The following RAD51B variants were observed in gnomAD, a reference collection of about 807,000 sequenced individuals.
The protein encoded by RAD51B is RAD51 paralog B.
In RAD51B, 38 loss-of-function variants were observed where a neutral mutation model predicts 42.2. The ratio of observed to expected loss-of-function variants is 0.90; its 90% CI spans 0.70 to 1.18. RAD51B has a LOEUF of 1.18. RAD51B is among the 50% of genes most tolerant of loss of function. The pLI, the probability that RAD51B is intolerant of heterozygous loss-of-function variation, is 0.00. For missense variants in RAD51B, 373 were observed against 400.7 expected (o/e 0.93, Z 0.59); for synonymous variants, 154 against 145.2 (o/e 1.06, Z -0.43).
At chr14:68,553,868 G>A (rs544056485) in intron 10 of RAD51B, among the ~76,000 whole-genome samples, 2 of 152,230 alleles carry the variant, frequency 1.3e-5, no homozygotes, top group South Asian at 2.1e-4. Context: ...AGTAAAAATC[G>A]TCTCTGCAAC....
intron 10 of RAD51B, among the ~76,000 whole-genome samples, chr14:68,533,287 CAG>C (rs1887425146): frequency 6.6e-6 from 1 of 152,124 alleles, no homozygotes; most frequent in African/African-American, 2.4e-5. Flanking sequence ...GGAAGGGAGA[CAG>C]AGACTGAGAT....
At chr14:68,428,627 A>G (rs1220807566) in intron 9 of RAD51B, among the ~76,000 whole-genome samples, 1 of 149,274 alleles carries the variant, frequency 6.7e-6, no homozygotes, top group Non-Finnish European at 1.5e-5. Context: ...CTCATATAAT[A>G]TTCGTTTTCT....
chr14:68,549,492 T>C (rs1012869848), intron 10 of RAD51B, among the ~76,000 whole-genome samples: 1 of 133,550 alleles, frequency 7.5e-6, no homozygotes, highest in African/African-American at 2.7e-5. Flanking sequence ...CTCGACTCAC[T>C]GCAAGCTCCG....
intron 8 of RAD51B, among the ~76,000 whole-genome samples, chr14:68,303,981 A>C (rs4902564): frequency 0.86 from 130,467 of 152,154 alleles, 56,420 homozygotes; most frequent in East Asian, 0.99. Context: ...ACCAGCCTGG[A>C]CAACATGGCG....
At chr14:67,853,786 T>C (rs906191180) in intron 4 of RAD51B, among the ~76,000 whole-genome samples, 4 of 152,236 alleles carry the variant, frequency 2.6e-5, no homozygotes. Context: ...AACTTAAAAA[T>C]TTCCTAGGTT....
intron 3 of RAD51B, among the ~76,000 whole-genome samples, chr14:67,834,216 G>A (rs575511450): frequency 6.6e-6 from 1 of 152,270 alleles, no homozygotes; most frequent in Middle Eastern, 3.4e-3. Context: ...TTTCCTGTGT[G>A]TATTGAATTC....
At chr14:68,509,186 C>T (rs1225061406) in intron 10 of RAD51B, among the ~76,000 whole-genome samples, 1 of 152,232 alleles carries the variant, frequency 6.6e-6, no homozygotes, top group Admixed American at 6.5e-5. Context: ...TTCTCATCCC[C>T]ACTCTCTGAT....
intron 7 of RAD51B, among the ~76,000 whole-genome samples, chr14:68,051,140 T>C (rs1277347674): frequency 6.6e-6 from 1 of 151,930 alleles, no homozygotes; most frequent in African/African-American, 2.4e-5. Flanking sequence ...TTACCAGATT[T>C]CTAGAATCCT....
At chr14:68,118,478 A>C (rs138015871) in intron 7 of RAD51B, among the ~76,000 whole-genome samples, 4 of 152,342 alleles carry the variant, frequency 2.6e-5, no homozygotes, top group Admixed American at 2.6e-4. Flanking sequence ...TAGACTCTGA[A>C]TGTAATTCCA....
At chr14:68,040,174 T>G (rs2076196798) in intron 7 of RAD51B, among the ~76,000 whole-genome samples, 1 of 152,208 alleles carries the variant, frequency 6.6e-6, no homozygotes, top group Admixed American at 6.5e-5. Flanking sequence ...CTTCTAAGAC[T>G]TAAATGACCA....
chr14:67,980,594 G>T (rs1358686527), intron 7 of RAD51B, among the ~76,000 whole-genome samples: 1 of 152,192 alleles, frequency 6.6e-6, no homozygotes, highest in African/African-American at 2.4e-5. Context: ...AGATTCTTAT[G>T]TACATGGGCA....
At chr14:68,043,397 C>T (rs942230163) in intron 7 of RAD51B, among the ~76,000 whole-genome samples, 6 of 152,098 alleles carry the variant, frequency 3.9e-5, no homozygotes, top group East Asian at 3.8e-4. Context: ...GAATTTAATT[C>T]GTGATTCATT....
chr14:68,308,531 T>A (rs1323153399), intron 8 of RAD51B, among the ~76,000 whole-genome samples: 1 of 152,116 alleles, frequency 6.6e-6, no homozygotes, highest in Non-Finnish European at 1.5e-5. Context: ...AATATTTTTC[T>A]CTGCCCTTAG....
At chr14:67,864,901 T>TATATGGCAA in intron 4 of RAD51B, 102 bp from the exon 5 acceptor site, 1 of 1,416,954 alleles carries the variant, frequency 7.1e-7, no homozygotes, top group African/African-American at 1.4e-5. Context: ...TTGGACTGCA[T>TATATGGCAA]ATATGGCAAA....
intron 10 of RAD51B, among the ~76,000 whole-genome samples, chr14:68,485,983 G>A (rs972340808): frequency 2.6e-5 from 4 of 152,236 alleles, no homozygotes; most frequent in African/African-American, 9.6e-5. Context: ...AATTGTGGTA[G>A]TATGCTTTAC....
chr14:68,048,500 A>T (rs927201455), intron 7 of RAD51B, among the ~76,000 whole-genome samples: 1 of 152,064 alleles, frequency 6.6e-6, no homozygotes, highest in African/African-American at 2.4e-5. Context: ...GGTGTTTTAG[A>T]CATGAAGTCC....
At chr14:68,446,926 C>CACATAT (rs1449688146) in intron 9 of RAD51B, among the ~76,000 whole-genome samples, 1 of 152,060 alleles carries the variant, frequency 6.6e-6, no homozygotes, top group East Asian at 1.9e-4. Context: ...CTAAATAATA[C>CACATAT]ACATATTAAG....
At chr14:67,877,504 A>G (rs893418528) in intron 5 of RAD51B, among the ~76,000 whole-genome samples, 15 of 152,038 alleles carry the variant, frequency 9.9e-5, no homozygotes, top group Non-Finnish European at 1.5e-5. Flanking sequence ...CTATGAATCT[A>G]TCTTTATCCC....
chr14:68,183,859 C>T lies in RAD51B; in HGVS notation c.757-108025C>T, dbSNP rs149440351. Among the ~76,000 whole-genome samples, 528 of 151,962 alleles carry T rather than the reference C, an allele frequency of 3.5e-3. 2 individuals are homozygous for T. The highest frequency in any genetic ancestry group is 0.011 in the African/African-American group (448 of 41,430). On this transcript the variant is annotated intron_variant, in intron 7 of 10. Coordinates refer to ENST00000471583, the MANE Select transcript of RAD51B (RefSeq NM_133510.4). The stretch of plus-strand genomic sequence containing the variant: ...CTGTAATCCCAGCACTTTGGGAGGC[C>T]GAGGCAAGCTGATCACGAGGTCAGG...
Sources: allele counts gnomAD v4.1 joint callset (sites outside exome capture counted in the v4.1 genomes callset), GRCh38; gene constraint gnomAD v4.1.1; transcripts MANE v1.5; gene names NCBI Gene and HGNC (gene_info 2026-07-23, HGNC 2026-07-21).